Variants in SEZ6 observed in about 807,000 individuals in gnomAD.
SEZ6 encodes seizure related 6 homolog.
Under a neutral mutation model 101.0 loss-of-function variants are expected in SEZ6, and 53 were observed. The observed-to-expected ratio is 0.52, with a 90% confidence interval of 0.42 to 0.66. The LOEUF (loss-of-function observed/expected upper bound fraction) is 0.66. Ranked by LOEUF, SEZ6 falls within the 30% of genes least tolerant of loss-of-function variation. The probability of loss-of-function intolerance (pLI) is 0.00; values close to 1 mark genes in which losing one functional copy is unlikely to be tolerated. For synonymous variants in SEZ6, 488 were observed against 512.2 expected (o/e 0.95, Z 0.64); for missense variants, 1,102 against 1,289.4 (o/e 0.85, Z 2.23).
At chr17:28,984,722 C>T (rs2041353940) in intron 1 of SEZ6, among the ~76,000 whole-genome samples, 1 of 152,152 alleles carries the variant, frequency 6.6e-6, no homozygotes, top group Admixed American at 6.5e-5. Context: ...GGGAGACAAG[C>T]CATTTCTGGG....
intron 1 of SEZ6, among the ~76,000 whole-genome samples, chr17:28,998,686 A>T (rs1250911214): frequency 6.6e-6 from 1 of 152,136 alleles, no homozygotes; most frequent in Non-Finnish European, 1.5e-5. Context: ...GTCCAGTGGC[A>T]GGAGAGGTCC....
chr17:28,979,724 A>G lies in SEZ6; in HGVS notation c.814T>C (p.Phe272Leu). 6.2e-7 allele frequency: 1 copy of G among 1,613,996 alleles called. No homozygotes were observed. Among genetic ancestry groups the G allele is most frequent in the Non-Finnish European group, 8.5e-7 (1 of 1,179,884 alleles). Residue 272 changes from phenylalanine (F) to leucine (L), a missense_variant, in exon 3 of 17, where the codon TTC (phenylalanine) becomes CTC (leucine). Transcript: ENST00000317338. ...CCAGGGTAGACAGAGATGTAGAAGA[A>G]GCAGTCCAGGCCAACATCAGTGGGG... is the stretch of plus-strand genomic sequence containing the variant. Reference protein sequence around the residue: ...SSPTDVGLDCFFYISVYPGYG... With the variant: ...SSPTDVGLDCLFYISVYPGYG...
rs1361400995 is a variant in SEZ6 at position 28,959,321 on chromosome 17, G to T, written c.1910+13C>A. The T allele has an allele frequency of 6.2e-7, 1 of 1,613,926 alleles. No homozygotes were observed. Among genetic ancestry groups the T allele is most frequent in the East Asian group, 2.2e-5 (1 of 44,884 alleles). On this transcript the variant is annotated intron_variant, in intron 9 of 16. Coordinates refer to ENST00000317338, the MANE Select transcript of SEZ6 (RefSeq NM_178860.5). The surrounding 1 kb of genome is among the most constrained non-coding windows in gnomAD (Gnocchi z 4.4). Reference sequence around the variant, plus strand: ...CTCAGGAGTTGGCTCGGCCTGACCCGGTAGGCACTCACACTCGGATGTCCA... The same window carrying T: ...CTCAGGAGTTGGCTCGGCCTGACCCTGTAGGCACTCACACTCGGATGTCCA...
chr17:28,958,646 C>T (rs1380343682), intron 10 of SEZ6, among the ~76,000 whole-genome samples: 1 of 152,052 alleles, frequency 6.6e-6, no homozygotes, highest in Non-Finnish European at 1.5e-5. Flanking sequence ...AAAAATTAGC[C>T]AGGCGTGGTG....
intron 1 of SEZ6, among the ~76,000 whole-genome samples, chr17:28,990,777 G>T (rs538254620): frequency 1.3e-5 from 2 of 151,512 alleles, no homozygotes; most frequent in East Asian, 1.9e-4. Flanking sequence ...GAAGACTCCC[G>T]AATAATAGTA....
chr17:28,957,569 G>T, intron 11 of SEZ6, 30 bp from the exon 12 acceptor site: 1 of 1,595,144 alleles, frequency 6.3e-7, no homozygotes, highest in Non-Finnish European at 8.5e-7. Flanking sequence ...GGGAGAAGTA[G>T]CCCAAGGAGA....
chr17:28,997,904 C>T (rs1166677659), intron 1 of SEZ6, among the ~76,000 whole-genome samples: 1 of 152,222 alleles, frequency 6.6e-6, no homozygotes, highest in East Asian at 1.9e-4. Context: ...TCCTTTAGGA[C>T]TCCCCCCTCC....
At chr17:28,956,963 G>T in intron 13 of SEZ6, 82 bp downstream of exon 13, 1 of 1,447,976 alleles carries the variant, frequency 6.9e-7, no homozygotes, top group African/African-American at 1.4e-5. Context: ...TGGGCAGGTG[G>T]TTCTGGTTCT....
chr17:28,979,880 CGTGTGTGTGT>C (rs3052131), intron 2 of SEZ6, 67 bp from the exon 3 acceptor site: 16,340 of 856,732 alleles, frequency 0.019, 114 homozygotes, highest in African/African-American at 0.072. Flanking sequence ...AAGGCTGAAC[CGTGTGTGTGT>C]GTGTGTGTGT....
intron 1 of SEZ6, among the ~76,000 whole-genome samples, chr17:28,991,890 A>C (rs1372488283): frequency 6.6e-6 from 1 of 152,212 alleles, no homozygotes; most frequent in African/African-American, 2.4e-5. Context: ...GGAAGCTCAG[A>C]GCCAGTTTAG....
chr17:28,992,336 T>G (rs989640261), intron 1 of SEZ6, among the ~76,000 whole-genome samples: 4 of 152,178 alleles, frequency 2.6e-5, no homozygotes, highest in African/African-American at 9.7e-5. Context: ...CCTTGGCTGC[T>G]GCTTCGTGTG....
At chr17:28,983,742 T>C (rs1222642663) in intron 1 of SEZ6, among the ~76,000 whole-genome samples, 1 of 152,074 alleles carries the variant, frequency 6.6e-6, no homozygotes. Context: ...GCTCTCAAAA[T>C]GGCTGCATGA....
chr17:28,979,901 G>GTA, intron 2 of SEZ6, 88 bp from the exon 3 acceptor site: 1 of 1,302,292 alleles, frequency 7.7e-7, no homozygotes, highest in Non-Finnish European at 1.0e-6. Flanking sequence ...GTGTGTGTGT[G>GTA]TGTGTGTGTG....
At chr17:28,989,410 G>A (rs1002153131) in intron 1 of SEZ6, among the ~76,000 whole-genome samples, 2 of 152,272 alleles carry the variant, frequency 1.3e-5, no homozygotes, top group East Asian at 1.9e-4. Flanking sequence ...GAGACCCAGG[G>A]AAATGCATTA....
At chr17:28,958,385 C>A (rs1045703288) in intron 10 of SEZ6, among the ~76,000 whole-genome samples, 3 of 152,184 alleles carry the variant, frequency 2.0e-5, no homozygotes, top group Non-Finnish European at 4.4e-5. Flanking sequence ...TTGACCAGTT[C>A]CTTAGGCCTG....
At chr17:28,998,023 C>T (rs978135046) in intron 1 of SEZ6, among the ~76,000 whole-genome samples, 1 of 151,864 alleles carries the variant, frequency 6.6e-6, no homozygotes, top group African/African-American at 2.4e-5. Flanking sequence ...AGGCCAGACA[C>T]TCAGCAGGTG....
intron 3 of SEZ6, among the ~76,000 whole-genome samples, chr17:28,975,110 G>A (rs921070163): frequency 1.3e-5 from 2 of 152,224 alleles, no homozygotes; most frequent in African/African-American, 4.8e-5. Context: ...GGGGAGATGT[G>A]GGCCACACCC....
chr17:28,992,480 C>G (rs1012979554), intron 1 of SEZ6, among the ~76,000 whole-genome samples: 3 of 152,168 alleles, frequency 2.0e-5, no homozygotes, highest in Non-Finnish European at 2.9e-5. Context: ...CCATGTGTCC[C>G]TGCCCAAGGA....
intron 7 of SEZ6, 145 bp from the exon 8 acceptor site, chr17:28,960,037 A>G: frequency 1.1e-6 from 1 of 913,042 alleles, no homozygotes; most frequent in Non-Finnish European, 1.6e-6. Flanking sequence ...CAGGAATGTG[A>G]TGGAGGAGGG....
Sources: allele counts gnomAD v4.1 joint callset (sites outside exome capture counted in the v4.1 genomes callset), GRCh38; gene constraint gnomAD v4.1.1; non-coding constraint Gnocchi (gnomAD v3.1); transcripts MANE v1.5; gene names NCBI Gene and HGNC (gene_info 2026-07-23, HGNC 2026-07-21).